Variants in DGLUCY observed in about 807,000 individuals in gnomAD.
The protein encoded by DGLUCY is D-glutamate cyclase.
DGLUCY carries 58 observed loss-of-function variants against 58.5 expected under a neutral mutation model. The observed-to-expected ratio is 0.99, with a 90% confidence interval of 0.80 to 1.23. The LOEUF (loss-of-function observed/expected upper bound fraction) is 1.23, where lower values mean the gene tolerates loss of function less well. Among genes scored for constraint, DGLUCY ranks in the 50% most tolerant of loss-of-function variants. The pLI is 0.00. For missense variants in DGLUCY, 779 were observed against 784.7 expected (o/e 0.99, Z 0.09); for synonymous variants, 325 against 314.1 (o/e 1.03, Z -0.37).
intron 5 of DGLUCY, 133 bp from the exon 6 acceptor site, chr14:91,173,156 A>G (rs1419478283): frequency 2.2e-5 from 22 of 985,636 alleles, no homozygotes; most frequent in Non-Finnish European, 3.3e-5. Flanking sequence ...TGTCACATAA[A>G]AATAGAAGCT....
At chr14:91,163,295 C>A (rs1387092417) in intron 3 of DGLUCY, among the ~76,000 whole-genome samples, 1 of 152,126 alleles carries the variant, frequency 6.6e-6, no homozygotes, top group African/African-American at 2.4e-5. Flanking sequence ...TTTGTTCTCA[C>A]AAGGGGCTTT....
chr14:91,156,313 C>T (rs1332022547), intron 1 of DGLUCY, among the ~76,000 whole-genome samples: 1 of 152,110 alleles, frequency 6.6e-6, no homozygotes, highest in Non-Finnish European at 1.5e-5. Flanking sequence ...AGGGTTTTGT[C>T]ATGTTGCCTA....
At chr14:91,077,201 G>A (rs1287302395) in intron 1 of DGLUCY, among the ~76,000 whole-genome samples, 1 of 151,584 alleles carries the variant, frequency 6.6e-6, no homozygotes, top group East Asian at 1.9e-4. Flanking sequence ...AGCCGTGATC[G>A]TGCCACTGCA....
chr14:91,188,885 T>G, intron 8 of DGLUCY, 25 bp from the exon 9 acceptor site: 1 of 1,596,464 alleles, frequency 6.3e-7, no homozygotes, highest in East Asian at 2.3e-5. Flanking sequence ...ATAGTTACTT[T>G]TACATTCTAT....
chr14:91,169,651 C>G (rs1445855932), intron 4 of DGLUCY, among the ~76,000 whole-genome samples: 2 of 151,588 alleles, frequency 1.3e-5, no homozygotes, highest in African/African-American at 2.4e-5. Flanking sequence ...TTCAAGTGAT[C>G]TGCCCGCCTC....
At chr14:91,160,478 C>A (rs2047920691) in intron 3 of DGLUCY, 81 bp downstream of exon 3, 1 of 985,370 alleles carries the variant, frequency 1.0e-6, no homozygotes, top group Non-Finnish European at 1.5e-6. Flanking sequence ...GTAGGGCCCA[C>A]AAACTCCTAA....
rs1295291901 is a variant in DGLUCY, at chr14:91,108,522, TGTGTGAGAGAGA to T, written c.-82+463_-82+474del. ...GTGTGTGTGTGTGTGTGTGTGTGTGTGTGTGAGAGAGAGAGAGAGAGAGAGAGAGAGAGAGAG... is the reference window on the plus strand; with the variant it reads ...GTGTGTGTGTGTGTGTGTGTGTGTGTGAGAGAGAGAGAGAGAGAGAGAGAG... On this transcript the variant is annotated intron_variant, in intron 1 of 4. Coordinates refer to the DGLUCY transcript ENST00000518871. Among the ~76,000 whole-genome samples, 174 of 73,910 alleles carry T rather than the reference TGTGTGAGAGAGA, an allele frequency of 2.4e-3. 1 individual carries two copies. Among genetic ancestry groups the T allele is most frequent in the African/African-American group, 7.4e-3 (168 of 22,828 alleles). 48.5% of individuals were successfully genotyped at this position (73,910 alleles called of 152,430 possible).
chr14:91,175,692 T>C, intron 6 of DGLUCY: 1 of 393,936 alleles, frequency 2.5e-6, no homozygotes, highest in Admixed American at 3.6e-5. Flanking sequence ...CTTCCAGAAA[T>C]CACGCCACAC....
intron 12 of DGLUCY, among the ~76,000 whole-genome samples, chr14:91,208,394 A>G (rs972396214): frequency 2.0e-5 from 3 of 152,214 alleles, no homozygotes; most frequent in Non-Finnish European, 4.4e-5. Context: ...TAATAATAAC[A>G]GTGCATTCCA....
chr14:91,111,479 C>T (rs563012428), upstream of DGLUCY, among the ~76,000 whole-genome samples: 547 of 152,214 alleles, frequency 3.6e-3, 2 homozygotes, highest in African/African-American at 0.012. Context: ...GACCTGGTTT[C>T]ACCATGTTGA....
At position 91,174,496 on chromosome 14, in the gene DGLUCY, G is replaced by A. The variant is rs534257177; in HGVS notation, c.607+1057G>A. On this transcript the variant is annotated intron_variant, in intron 6 of 13. Transcript: ENST00000256324. ...AATTTTTGTATTTTTAGTAGAGATG[G>A]GGTTTTGCCATGTTGGCCAGGCTGG... Among the ~76,000 whole-genome samples, 26 of 152,114 alleles carry A rather than the reference G, an allele frequency of 1.7e-4. No individual in the cohort carries two copies. In the East Asian group the frequency reaches 4.8e-3, roughly 28 times the overall value.
intron 3 of DGLUCY, chr14:91,165,123 G>A (rs1414347130): frequency 2.7e-6 from 1 of 373,894 alleles, no homozygotes; most frequent in East Asian, 8.6e-5. Flanking sequence ...TTTATAAAAA[G>A]GAGAATATGT....
intron 9 of DGLUCY, among the ~76,000 whole-genome samples, chr14:91,194,834 G>A (rs114956727): frequency 0.023 from 3,431 of 152,082 alleles, 139 homozygotes; most frequent in African/African-American, 0.078. Context: ...CTACGTGCCC[G>A]GCCAGTGAGG....
chr14:91,158,724 A>C (rs1278635499), intron 2 of DGLUCY: 2 of 152,102 alleles, frequency 1.3e-5, no homozygotes, highest in East Asian at 3.9e-4. Flanking sequence ...TTGTGCCACT[A>C]TGCTAGGCAC....
At chr14:91,191,595 G>C (rs1290759006) in intron 9 of DGLUCY, among the ~76,000 whole-genome samples, 1 of 152,084 alleles carries the variant, frequency 6.6e-6, no homozygotes, top group Non-Finnish European at 1.5e-5. Context: ...CCTCCCACAT[G>C]CTTCGTGGCA....
intron 1 of DGLUCY, among the ~76,000 whole-genome samples, chr14:91,144,000 TC>T (rs1376435217): frequency 6.6e-6 from 1 of 152,124 alleles, no homozygotes; most frequent in Non-Finnish European, 1.5e-5. Context: ...CTGCATTAGT[TC>T]CTCTGTGTAA....
chr14:91,112,166 T>C (rs1026699010), upstream of DGLUCY, among the ~76,000 whole-genome samples: 1 of 151,588 alleles, frequency 6.6e-6, no homozygotes, highest in Non-Finnish European at 1.5e-5. Flanking sequence ...GGAGAATCAG[T>C]TGAACCCAGG....
At chr14:91,185,950 A>G (rs2049490741) in intron 8 of DGLUCY, among the ~76,000 whole-genome samples, 1 of 152,160 alleles carries the variant, frequency 6.6e-6, no homozygotes, top group Non-Finnish European at 1.5e-5. Flanking sequence ...ACTATATTAA[A>G]TAAGCAGATA....
At chr14:91,123,620 T>TTTGTCCCTCA (rs1203441905) in intron 1 of DGLUCY, among the ~76,000 whole-genome samples, 1 of 152,198 alleles carries the variant, frequency 6.6e-6, no homozygotes, top group East Asian at 1.9e-4. Flanking sequence ...AGGGTCTCAC[T>TTTGTCCCTCA]TTGTCCCTCA....
Sources: gnomAD v4.1 joint callset for allele counts (sites outside exome capture counted in the v4.1 genomes callset) on GRCh38, gnomAD v4.1.1 for gene constraint, MANE v1.5 for transcripts, NCBI Gene and HGNC (gene_info 2026-07-23, HGNC 2026-07-21) for gene names.